The following CLEC20A variants were observed in gnomAD, a reference collection of about 807,000 sequenced individuals.
The protein encoded by CLEC20A is putative C-type lectin domain family 20 member A.
upstream of CLEC20A, chr1:178,499,566 T>G (rs1162648514): frequency 2.0e-5 from 3 of 152,252 alleles, no homozygotes; most frequent in African/African-American, 2.4e-5. Context: ...TTCCTGCCCT[T>G]GAACATCGGA....
intron 1 of CLEC20A, among the ~76,000 whole-genome samples, chr1:178,495,322 C>T (rs1275993929): frequency 6.6e-6 from 1 of 152,236 alleles, no homozygotes; most frequent in East Asian, 1.9e-4. Flanking sequence ...GGAAGGAATA[C>T]AGCCCAGACT....
intron 4 of CLEC20A, among the ~76,000 whole-genome samples, chr1:178,489,072 G>A (rs1288113755): frequency 6.6e-6 from 1 of 152,244 alleles, no homozygotes; most frequent in East Asian, 1.9e-4. Context: ...CTTTAAAAAG[G>A]TAAATTTTGG....
chr1:178,493,386 A>T (rs1221782535), intron 2 of CLEC20A: 1 of 152,412 alleles, frequency 6.6e-6, no homozygotes, highest in Non-Finnish European at 1.5e-5. Flanking sequence ...TTGGTCCTCC[A>T]TAACCCTATT....
intron 3 of CLEC20A, among the ~76,000 whole-genome samples, chr1:178,491,701 C>T (rs1013613426): frequency 3.9e-5 from 6 of 152,214 alleles, no homozygotes; most frequent in African/African-American, 1.4e-4. Context: ...AAAACCCACT[C>T]TACAGAGCAG....
At chr1:178,496,784 C>G (rs553590239) in intron 1 of CLEC20A, 116 bp downstream of exon 1, 1 of 398,610 alleles carries the variant, frequency 2.5e-6, no homozygotes, top group African/African-American at 2.1e-5. Flanking sequence ...TTTCTTTCCA[C>G]CTTGCCTCCC....
At chr1:178,484,732 C>G (rs1216389593) in intron 5 of CLEC20A, 1 of 152,188 alleles carries the variant, frequency 6.6e-6, no homozygotes, top group African/African-American at 2.4e-5. Flanking sequence ...TCTTTATAAA[C>G]TTTGCATTTG....
At chr1:178,488,425 T>G (rs1193635047) in intron 5 of CLEC20A, 76 bp downstream of exon 5, 2 of 398,374 alleles carry the variant, frequency 5.0e-6, no homozygotes, top group African/African-American at 4.1e-5. Flanking sequence ...GAGGGGCTTA[T>G]GGGGCCTGCA....
chr1:178,479,832 A>C, intron 7 of CLEC20A: 3 of 333,646 alleles, frequency 9.0e-6, no homozygotes, highest in Non-Finnish European at 1.6e-5. Context: ...AATGACAAAG[A>C]ACACTAAAAC....
chr1:178,499,476 C>T (rs1168416225), upstream of CLEC20A: 1 of 151,562 alleles, frequency 6.6e-6, no homozygotes, highest in Non-Finnish European at 1.5e-5. Flanking sequence ...CCATCGCGGC[C>T]AGAATAAAAG....
chr1:178,485,501 A>G (rs1178228938), intron 5 of CLEC20A, among the ~76,000 whole-genome samples: 1 of 152,228 alleles, frequency 6.6e-6, no homozygotes, highest in Non-Finnish European at 1.5e-5. Context: ...TTTCTGCCAG[A>G]TGAAATCCTC....
chr1:178,479,192 C>T (rs150950268), downstream of CLEC20A: 258 of 166,252 alleles, frequency 1.6e-3, 1 homozygote, highest in African/African-American at 5.9e-3. Flanking sequence ...AGACCACTAC[C>T]ATCCTCTTGT....
At chr1:178,481,539 TC>T (rs1648986366) in intron 7 of CLEC20A, 2 of 152,206 alleles carry the variant, frequency 1.3e-5, no homozygotes, top group Non-Finnish European at 2.9e-5. Flanking sequence ...TTGAAGCTTT[TC>T]TCTCAGTATT....
intron 2 of CLEC20A, among the ~76,000 whole-genome samples, chr1:178,492,985 C>G (rs1649301153): frequency 6.6e-6 from 1 of 152,220 alleles, no homozygotes; most frequent in Non-Finnish European, 1.5e-5. Context: ...TAAGTGCTGC[C>G]AGGTCCTCCT....
chr1:178,495,427 G>A (rs1649364111), intron 1 of CLEC20A, among the ~76,000 whole-genome samples: 1 of 152,212 alleles, frequency 6.6e-6, no homozygotes, highest in Non-Finnish European at 1.5e-5. Context: ...GCAAGCTGGA[G>A]TCACCTAGGA....
At chr1:178,482,583 A>C in intron 6 of CLEC20A, 186 bp from the exon 7 acceptor site, 2 of 385,986 alleles carry the variant, frequency 5.2e-6, no homozygotes. Context: ...TTAGTGGCTG[A>C]AAAAAAGAGT....
At chr1:178,482,250 T>G (rs933269657) in intron 7 of CLEC20A, 62 bp downstream of exon 7, 2 of 398,294 alleles carry the variant, frequency 5.0e-6, no homozygotes, top group African/African-American at 4.1e-5. Context: ...TTGGTTTTTA[T>G]AAGATTGTCT....
At chr1:178,494,488 G>A (rs557430474) in exon 2 of CLEC20A, 49 of 399,792 alleles carry the variant, frequency 1.2e-4, no homozygotes, top group African/African-American at 7.0e-4. Flanking sequence ...GGGCTGTGCA[G>A]GAGGCAGCCC....
In CLEC20A at chr1:178,482,807, G is replaced by A. The variant is rs114338141; in HGVS notation, c.1036+368C>T. ...TTTTAAATAAATCCAGCCTTTGCCC[G>A]TGAGCCATCCATAATCATTACAGGA... On this transcript the variant is annotated intron_variant, in intron 6 of 7. Coordinates refer to ENST00000623247, the Ensembl canonical transcript of CLEC20A. 2.2e-3 allele frequency: 458 copies of A among 205,540 alleles called. 2 individuals carry two copies. The highest frequency in any genetic ancestry group is 9.7e-3 in the African/African-American group (427 of 43,802). The allele number at this position is 205,540 out of a possible 1,614,324, so 12.7% of individuals were successfully genotyped here. A position where few individuals can be genotyped will look rare whatever the true frequency, so the allele number is the denominator to read the frequency against.
intron 5 of CLEC20A, among the ~76,000 whole-genome samples, chr1:178,484,929 T>C (rs1446529824): frequency 6.6e-6 from 1 of 152,050 alleles, no homozygotes; most frequent in Non-Finnish European, 1.5e-5. Context: ...ACACGTTTCC[T>C]GTCTCTCCTT....
Sources: allele counts gnomAD v4.1 joint callset (sites outside exome capture counted in the v4.1 genomes callset), GRCh38; gene constraint gnomAD v4.1.1; transcripts MANE v1.5; gene names NCBI Gene and HGNC (gene_info 2026-07-23, HGNC 2026-07-21).